Variants in ZCWPW2 observed in about 807,000 individuals in gnomAD.
ZCWPW2 encodes the protein zinc finger CW-type PWWP domain protein 2.
Under a neutral mutation model 46.6 loss-of-function variants are expected in ZCWPW2, and 45 were observed. That is an observed-to-expected ratio of 0.96 (90% CI 0.76 to 1.24). The LOEUF (loss-of-function observed/expected upper bound fraction) is 1.24. Among genes scored for constraint, ZCWPW2 ranks in the 50% most tolerant of loss-of-function variants. ZCWPW2 has a pLI of 0.00. For missense variants in ZCWPW2, 429 were observed against 403.9 expected (o/e 1.06, Z -0.53); for synonymous variants, 152 against 137.1 (o/e 1.11, Z -0.76).
intron 2 of ZCWPW2, among the ~76,000 whole-genome samples, chr3:28,405,172 A>G (rs1696108900): frequency 6.6e-6 from 1 of 152,160 alleles, no homozygotes; most frequent in African/African-American, 2.4e-5. Context: ...TCTCTTTTCA[A>G]TTCAGTCTTT....
In ZCWPW2 at chr3:28,378,123, C is replaced by T. The variant is rs930740455; in HGVS notation, c.-133-12375C>T. On this transcript the variant is annotated intron_variant, in intron 1 of 9. Transcript: ENST00000383768. ...GCATAAACTAGTCTCTGAATAATAA[C>T]AGTTTTGCATAGATACAGGCTCTTA... Among the ~76,000 whole-genome samples, 33 of 152,076 alleles carry T rather than the reference C, an allele frequency of 2.2e-4. No individual in the cohort carries two copies. In the Middle Eastern group the frequency reaches 0.014, roughly 63 times the overall value.
At chr3:28,478,322 C>T in intron 4 of ZCWPW2, 2 of 325,448 alleles carry the variant, frequency 6.1e-6, no homozygotes, top group South Asian at 2.4e-5. Context: ...CGCATCACTG[C>T]AGCATCTGCC....
chr3:28,475,631 C>T (rs1488627816), intron 4 of ZCWPW2, among the ~76,000 whole-genome samples: 3 of 152,208 alleles, frequency 2.0e-5, no homozygotes, highest in Admixed American at 2.0e-4. Context: ...TTTCCTATTA[C>T]TCTCTCTCTT....
At chr3:28,408,804 C>T (rs1198869310) in intron 2 of ZCWPW2, among the ~76,000 whole-genome samples, 1 of 152,008 alleles carries the variant, frequency 6.6e-6, no homozygotes, top group African/African-American at 2.4e-5. Context: ...AGATCTGTAC[C>T]CCAACTATTT....
intron 8 of ZCWPW2, 122 bp from the exon 9 acceptor site, chr3:28,520,870 A>G: frequency 1.7e-6 from 2 of 1,182,728 alleles, no homozygotes; most frequent in Non-Finnish European, 2.4e-6. Context: ...AAATTATATG[A>G]AACATTTATA....
intron 1 of ZCWPW2, among the ~76,000 whole-genome samples, chr3:28,350,006 T>G (rs1247762573): frequency 6.6e-6 from 1 of 152,240 alleles, no homozygotes; most frequent in Admixed American, 6.5e-5. Flanking sequence ...TTTATGACAT[T>G]TCTAAAAATA....
chr3:28,469,043 A>G (rs1698938995), intron 4 of ZCWPW2, among the ~76,000 whole-genome samples: 1 of 152,204 alleles, frequency 6.6e-6, no homozygotes, highest in Non-Finnish European at 1.5e-5. Context: ...ATAAGATATA[A>G]ATAGAAACAA....
At chr3:28,360,930 G>T (rs1228598553) in intron 1 of ZCWPW2, among the ~76,000 whole-genome samples, 2 of 152,032 alleles carry the variant, frequency 1.3e-5, no homozygotes, top group Non-Finnish European at 2.9e-5. Context: ...AGAATAAAGG[G>T]CCCAGGAAAG....
chr3:28,371,023 T>G (rs1369287849), intron 1 of ZCWPW2, among the ~76,000 whole-genome samples: 1 of 151,694 alleles, frequency 6.6e-6, no homozygotes, highest in Non-Finnish European at 1.5e-5. Context: ...TGAACCACCA[T>G]GCCCAATAAA....
At chr3:28,464,715 C>G (rs1373466186) in intron 4 of ZCWPW2, among the ~76,000 whole-genome samples, 1 of 152,170 alleles carries the variant, frequency 6.6e-6, no homozygotes, top group East Asian at 1.9e-4. Context: ...GAAGTGTACC[C>G]CTAGCTTGTA....
intron 4 of ZCWPW2, among the ~76,000 whole-genome samples, chr3:28,437,929 C>T (rs552406390): frequency 2.6e-5 from 4 of 152,210 alleles, no homozygotes; most frequent in Non-Finnish European, 5.9e-5. Flanking sequence ...TCTAATGTAA[C>T]TATTTTTGAA....
intron 3 of ZCWPW2, among the ~76,000 whole-genome samples, chr3:28,431,400 T>A (rs1007676673): frequency 6.7e-6 from 1 of 149,932 alleles, no homozygotes; most frequent in African/African-American, 2.5e-5. Flanking sequence ...CAGGATTAAT[T>A]TTTTTTTTAA....
chr3:28,452,436 C>T (rs900778528), intron 4 of ZCWPW2, among the ~76,000 whole-genome samples: 1 of 152,114 alleles, frequency 6.6e-6, no homozygotes, highest in African/African-American at 2.4e-5. Context: ...GCAGGGATTA[C>T]AGGTGCCTGC....
intron 1 of ZCWPW2, among the ~76,000 whole-genome samples, chr3:28,384,324 A>C (rs964530704): frequency 2.6e-5 from 4 of 152,188 alleles, no homozygotes; most frequent in Non-Finnish European, 5.9e-5. Context: ...CTGCTTGTCA[A>C]ACTTTTGCTT....
At chr3:28,473,231 T>A (rs1443220682) in intron 4 of ZCWPW2, among the ~76,000 whole-genome samples, 1 of 152,134 alleles carries the variant, frequency 6.6e-6, no homozygotes, top group African/African-American at 2.4e-5. Flanking sequence ...ATCCCAGCAC[T>A]CTGGGAGGCC....
In ZCWPW2 at chr3:28,421,834, TTGTGTGTG is replaced by T. The variant is rs71087697; in HGVS notation, c.332+8470_332+8477del. 2.2e-3 allele frequency among the ~76,000 whole-genome samples: 290 copies of T among 133,908 alleles called. 1 individual carries two copies. The highest frequency in any genetic ancestry group is 0.016 in the East Asian group (72 of 4,476). The allele number at this position is 133,908 out of a possible 152,430, so 87.8% of individuals were successfully genotyped here. A position where few individuals can be genotyped will look rare whatever the true frequency, so the allele number is the denominator to read the frequency against. On this transcript the variant is annotated intron_variant, in intron 3 of 9. Transcript: ENST00000383768. Reference sequence around the variant, plus strand: ...TGAGAACCATATGTTGGAGAATAGTTTGTGTGTGTGTGTGTGTGTGTGTGTGTGTGTGT... The same window carrying T: ...TGAGAACCATATGTTGGAGAATAGTTTGTGTGTGTGTGTGTGTGTGTGTGT...
intron 8 of ZCWPW2, among the ~76,000 whole-genome samples, chr3:28,516,448 T>C (rs1442873900): frequency 1.3e-5 from 2 of 152,102 alleles, no homozygotes; most frequent in Non-Finnish European, 2.9e-5. Context: ...TAAATTGTCG[T>C]TGGTTAGAAC....
At chr3:28,480,855 AT>A (rs1699400908) in intron 5 of ZCWPW2, among the ~76,000 whole-genome samples, 3 of 130,730 alleles carry the variant, frequency 2.3e-5, no homozygotes, top group Admixed American at 8.8e-5. Flanking sequence ...TCCTTTCCTC[AT>A]TTTTTTTCTT....
chr3:28,369,031 T>G (rs1705219776), intron 1 of ZCWPW2, among the ~76,000 whole-genome samples: 1 of 152,186 alleles, frequency 6.6e-6, no homozygotes. Flanking sequence ...AGGACTTCTC[T>G]GCATTGGTTA....
Sources: allele counts gnomAD v4.1 joint callset (sites outside exome capture counted in the v4.1 genomes callset), GRCh38; gene constraint gnomAD v4.1.1; transcripts MANE v1.5; gene names NCBI Gene and HGNC (gene_info 2026-07-23, HGNC 2026-07-21).